The following ZNF205 variants were observed in gnomAD, a reference collection of about 807,000 sequenced individuals.
ZNF205 encodes zinc finger protein 205, also known as transcriptional repressor RHIT.
ZNF205 carries 32 observed loss-of-function variants against 53.6 expected under a neutral mutation model. The observed-to-expected ratio is 0.60, with a 90% CI of 0.45 to 0.80. ZNF205 has a LOEUF of 0.80. Ranked by LOEUF, ZNF205 falls within the 30% of genes least tolerant of loss-of-function variation. ZNF205 has a pLI of 0.00. For missense variants in ZNF205, 836 were observed against 782.4 expected (o/e 1.07, Z -0.82); for synonymous variants, 382 against 334.3 (o/e 1.14, Z -1.56).
chr16:3,117,442 C>CTTTTTTTTTTTT (rs139893783), intron 5 of ZNF205, among the ~76,000 whole-genome samples: 3 of 73,188 alleles, frequency 4.1e-5, no homozygotes, highest in Non-Finnish European at 2.4e-5. Context: ...AGTCCCAGAG[C>CTTTTTTTTTTTT]TTTTTTTTTT....
chr16:3,118,094 C>A (rs1043782562), intron 5 of ZNF205, among the ~76,000 whole-genome samples: 1 of 142,668 alleles, frequency 7.0e-6, no homozygotes, highest in South Asian at 2.2e-4. Context: ...GATCTCCTGA[C>A]CTCGTGATCC....
At position 3,120,309 on chromosome 16, in the gene ZNF205, C is replaced by T. The variant is rs1347405139; in HGVS notation, c.1649C>T (p.Pro550Leu). 6.4e-7 allele frequency: 1 copy of T among 1,558,310 alleles called. No homozygotes were observed. Among genetic ancestry groups the T allele is most frequent in the Non-Finnish European group, 8.6e-7 (1 of 1,160,998 alleles). ...AAAAGALATPPPAPT is the reference protein window; with the variant it reads ...AAAAGALATPLPAPT ...GCGGCGGGGGCTCTGGCCACACCCC[C>T]ACCCGCTCCCACCTAGGAGGCCAGG... Residue 550 changes from proline to leucine, a missense_variant, in exon 7 of 7, where the codon CCA (proline) becomes CTA (leucine). Coordinates refer to ENST00000219091, the MANE Select transcript of ZNF205 (RefSeq NM_001042428.2).
chr16:3,116,458 A>G lies in ZNF205; in HGVS notation c.395A>G (p.Tyr132Cys). The part of the protein sequence containing the change: ...MPVTFEDVAL[Y>C]LSREEWGRLD... ...GTGACTTTCGAGGATGTGGCCTTGT[A>G]CCTCTCCCGGGAGGAGTGGGGACGG... Residue 132 changes from tyrosine to cysteine, a missense_variant, in exon 5 of 7, where the codon TAC (tyrosine) becomes TGC (cysteine). Physicochemically the swap from Tyr to Cys is radical, Grantham distance 194. Transcript: ENST00000219091. 1 of 1,613,876 alleles carries G rather than the reference A, an allele frequency of 6.2e-7. No individual in the cohort carries two copies. Among genetic ancestry groups the G allele is most frequent in the Non-Finnish European group, 8.5e-7 (1 of 1,179,982 alleles).
chr16:3,120,061 C>T lies in ZNF205; in HGVS notation c.1401C>T (p.Asn467=), dbSNP rs370229039. Reference sequence around the variant, plus strand: ...AGCGTTCCAACCTCATCGCGCACAACCGCACACACACAGGCGAGAAGCCCT... The same window carrying T: ...AGCGTTCCAACCTCATCGCGCACAATCGCACACACACAGGCGAGAAGCCCT... ...FSQRSNLIAH[N]RTHTGEKPYH... Residue 467 remains asparagine, a synonymous_variant, in exon 7 of 7, where the codon AAC becomes AAT. Transcript: ENST00000219091. 1.3e-5 allele frequency: 21 copies of T among 1,609,940 alleles called. No individual in the cohort carries two copies. The highest frequency in any genetic ancestry group is 1.8e-5 in the Non-Finnish European group (21 of 1,178,654).
At position 3,115,510 on chromosome 16, in the gene ZNF205, G is replaced by C; in HGVS notation, c.213G>C (p.Trp71Cys). ...AGGAGGATGGGGCTCAAGGTGCCTG[G>C]GGCTGGGCACCCCTAAGTCACGGCT... ...ASQEDGAQGAWGWAPLSHGSK... is the reference protein window; with the variant it reads ...ASQEDGAQGACGWAPLSHGSK... The change falls in exon 3 of 7, where the codon TGG (tryptophan) becomes TGC (cysteine). Residue 71 changes from tryptophan to cysteine, a missense_variant. Coordinates refer to ENST00000219091, the MANE Select transcript of ZNF205 (RefSeq NM_001042428.2). 1 of 1,603,720 alleles carries C rather than the reference G, an allele frequency of 6.2e-7. No homozygotes were observed. The highest frequency in any genetic ancestry group is 8.5e-7 in the Non-Finnish European group (1 of 1,176,340).
In ZNF205 at chr16:3,119,348, T is replaced by C. The variant is rs774120445; in HGVS notation, c.688T>C (p.Trp230Arg). 6.8e-6 allele frequency: 11 copies of C among 1,612,652 alleles called. No individual in the cohort carries two copies. The highest frequency in any genetic ancestry group is 2.7e-5 in the African/African-American group (2 of 74,888). ...CAGAACCAGGGCAGGGAGAGTCCAG[T>C]GGGGCGTCCCGCAGTGCGCGCAGGA... ...PFRTRAGRVQWGVPQCAQEAA... is the reference protein window; with the variant it reads ...PFRTRAGRVQRGVPQCAQEAA... Residue 230 changes from tryptophan to arginine, a missense_variant, in exon 7 of 7, where the codon TGG (tryptophan) becomes CGG (arginine). Trp to Arg is a moderately radical substitution (Grantham distance 101, BLOSUM62 -3). Transcript: ENST00000219091.
rs768054385 is a variant in ZNF205, at chr16:3,120,160, C to G, written c.1500C>G (p.Gly500=). ...HLTAHQRTHR[G]VRPYACPLCG... ...CCGCGCACCAGCGCACCCACCGTGG[C>G]GTGCGGCCCTACGCCTGCCCGTTGT... Residue 500 remains glycine, a synonymous_variant, in exon 7 of 7, where the codon GGC becomes GGG. Transcript: ENST00000219091. 4 of 1,606,720 alleles carry G rather than the reference C, an allele frequency of 2.5e-6. No homozygotes were observed. Among genetic ancestry groups the G allele is most frequent in the Non-Finnish European group, 3.4e-6 (4 of 1,175,432 alleles).
chr16:3,118,948 C>T lies in ZNF205; in HGVS notation c.528C>T (p.Gly176=). The part of the protein sequence containing the change: ...SRPFWAPQAH[G]KGEASGSSRQ... ...CTTTCTGGGCCCCTCAAGCGCACGG[C>T]AAGGGTGAGGCCTCGGGCTCCAGCC... The change falls in exon 6 of 7, where the codon GGC becomes GGT. Residue 176 remains glycine (G), a synonymous_variant. Coordinates refer to ENST00000219091, the MANE Select transcript of ZNF205 (RefSeq NM_001042428.2). 1 of 1,613,644 alleles carries T rather than the reference C, an allele frequency of 6.2e-7. No individual in the cohort carries two copies. Among genetic ancestry groups the T allele is most frequent in the African/African-American group, 1.3e-5 (1 of 75,042 alleles).
Position 3,115,493 on chromosome 16 carries a change from G to GCCCCT in ZNF205, c.196_197insCCCCT (p.Gly66AlafsTer13). On this transcript the variant is annotated frameshift_variant, in exon 3 of 7. Coordinates refer to ENST00000219091, the MANE Select transcript of ZNF205 (RefSeq NM_001042428.2). LOFTEE classifies it high-confidence loss of function. ...CTCCGAGGGGGCATCGCAGGAGGAT[G>GCCCCT]GGGCTCAAGGTGCCTGGGGCTGGGC... is the stretch of plus-strand genomic sequence containing the variant. 6.2e-7 allele frequency: 1 copy of GCCCCT among 1,606,514 alleles called. No homozygotes were observed. The highest frequency in any genetic ancestry group is 1.7e-5 in the Admixed American group (1 of 58,150).
At chr16:3,115,035 G>A in intron 2 of ZNF205, 1 of 230,682 alleles carries the variant, frequency 4.3e-6, no homozygotes, top group Non-Finnish European at 8.4e-6. Context: ...GATTCTTAGA[G>A]GACACTATTC....
chr16:3,115,708 A>G, intron 3 of ZNF205, 121 bp from the exon 4 acceptor site: 1 of 1,377,238 alleles, frequency 7.3e-7, no homozygotes, highest in Non-Finnish European at 9.8e-7. Context: ...GCCCCCTGGC[A>G]GCGTCAGAGC....
In ZNF205 at chr16:3,118,939, A is replaced by C; in HGVS notation, c.519A>C (p.Gln173His). 1 of 1,613,628 alleles carries C rather than the reference A, an allele frequency of 6.2e-7. No individual in the cohort carries two copies. The highest frequency in any genetic ancestry group is 8.5e-7 in the Non-Finnish European group (1 of 1,179,962). Residue 173 changes from glutamine (Q) to histidine (H), a missense_variant, in exon 6 of 7, where the codon CAA (glutamine) becomes CAC (histidine). Physicochemically the swap from Gln to His is conservative, Grantham distance 24. Transcript: ENST00000219091. ...FPFSRPFWAP[Q>H]AHGKGEASGS... is the part of the protein sequence containing the mutation. ...TCAGCAGGCCTTTCTGGGCCCCTCA[A>C]GCGCACGGCAAGGGTGAGGCCTCGG...
Position 3,119,860 on chromosome 16 carries a change from C to G in ZNF205, c.1200C>G (p.Arg400=), listed in dbSNP as rs773963065. The part of the protein sequence containing the change: ...KPYVCDRCAK[R]FTRRSDLVTH... Reference sequence around the variant, plus strand: ...ACGTGTGCGACCGCTGCGCCAAGCGCTTCACCCGCCGCTCGGACTTGGTCA... The same window carrying G: ...ACGTGTGCGACCGCTGCGCCAAGCGGTTCACCCGCCGCTCGGACTTGGTCA... The change falls in exon 7 of 7, where the codon CGC becomes CGG. Residue 400 remains arginine (R), a synonymous_variant. Transcript: ENST00000219091. 7 of 1,612,730 alleles carry G rather than the reference C, an allele frequency of 4.3e-6. No homozygotes were observed. Among genetic ancestry groups the G allele is most frequent in the Non-Finnish European group, 5.1e-6 (6 of 1,179,824 alleles).
intron 4 of ZNF205, 104 bp from the exon 5 acceptor site, chr16:3,116,323 C>G (rs1225385419): frequency 6.5e-7 from 1 of 1,535,068 alleles, no homozygotes; most frequent in Non-Finnish European, 8.8e-7. Context: ...TCACTCGACA[C>G]AGTGGGTTGG....
At chr16:3,116,304 T>C in intron 4 of ZNF205, 123 bp from the exon 5 acceptor site, 1 of 1,433,240 alleles carries the variant, frequency 7.0e-7, no homozygotes, top group African/African-American at 1.4e-5. Flanking sequence ...CAGATGGAAG[T>C]GGCAGGCCTC....
intron 5 of ZNF205, among the ~76,000 whole-genome samples, chr16:3,118,590 C>A (rs1055207679): frequency 6.6e-6 from 1 of 152,196 alleles, no homozygotes; most frequent in Non-Finnish European, 1.5e-5. Context: ...TGGAGGGCCA[C>A]TACCCTTGCC....
chr16:3,120,114 T>G lies in ZNF205; in HGVS notation c.1454T>G (p.Phe485Cys), dbSNP rs1475159673. Residue 485 changes from phenylalanine to cysteine, a missense_variant, in exon 7 of 7, where the codon TTC (phenylalanine) becomes TGC (cysteine). Phe to Cys is a radical substitution (Grantham distance 205). Transcript: ENST00000219091. ...CACTGCCTCGACTGCGGCAAGAGCTTCAGCCACAGCTCGCACCTCACCGCG... is the reference window on the plus strand; with the variant it reads ...CACTGCCTCGACTGCGGCAAGAGCTGCAGCCACAGCTCGCACCTCACCGCG... ...PYHCLDCGKS[F>C]SHSSHLTAHQ... 6.8e-6 allele frequency: 11 copies of G among 1,613,714 alleles called. No individual in the cohort carries two copies. Among genetic ancestry groups the G allele is most frequent in the Non-Finnish European group, 9.3e-6 (11 of 1,179,810 alleles).
Position 3,119,353 on chromosome 16 carries a change from C to A in ZNF205, c.693C>A (p.Gly231=). The change falls in exon 7 of 7, where the codon GGC becomes GGA. Residue 231 remains glycine (G), a synonymous_variant. Coordinates refer to ENST00000219091, the MANE Select transcript of ZNF205 (RefSeq NM_001042428.2). Reference sequence around the variant, plus strand: ...CCAGGGCAGGGAGAGTCCAGTGGGGCGTCCCGCAGTGCGCGCAGGAAGCAG... The same window carrying A: ...CCAGGGCAGGGAGAGTCCAGTGGGGAGTCCCGCAGTGCGCGCAGGAAGCAG... ...FRTRAGRVQW[G]VPQCAQEAAC... 6.2e-7 allele frequency: 1 copy of A among 1,612,762 alleles called. No homozygotes were observed. The highest frequency in any genetic ancestry group is 8.5e-7 in the Non-Finnish European group (1 of 1,179,794).
intron 2 of ZNF205, among the ~76,000 whole-genome samples, 178 bp downstream of exon 2, chr16:3,113,665 C>T (rs1567175145): frequency 6.6e-6 from 1 of 152,120 alleles, no homozygotes; most frequent in Non-Finnish European, 1.5e-5. Context: ...AACAGTTTTG[C>T]TTTGCTGGTG....
Sources: gnomAD v4.1 joint callset for allele counts (sites outside exome capture counted in the v4.1 genomes callset) on GRCh38, gnomAD v4.1.1 for gene constraint, MANE v1.5 for transcripts, NCBI Gene and HGNC (gene_info 2026-07-23, HGNC 2026-07-21) for gene names.